Variants in TOX3 observed in about 807,000 individuals in gnomAD.
The protein encoded by TOX3 is CAG trinucleotide repeat-containing gene F9 protein.
Under a neutral mutation model 64.3 loss-of-function variants are expected in TOX3, and 22 were observed. The ratio of observed to expected loss-of-function variants is 0.34; its 90% confidence interval spans 0.24 to 0.49. TOX3 has a LOEUF of 0.49. TOX3 is among the 20% of genes least tolerant of loss of function. The pLI is 0.99. For synonymous variants in TOX3, 291 were observed against 273.6 expected (o/e 1.06, Z -0.63); for missense variants, 661 against 714.4 (o/e 0.93, Z 0.85).
chr16:52,526,407 A>G (rs1197748066), intron 1 of TOX3, among the ~76,000 whole-genome samples: 3 of 152,252 alleles, frequency 2.0e-5, no homozygotes, highest in African/African-American at 7.2e-5. Flanking sequence ...CCAACAAGCC[A>G]AATGAGTGTT....
intron 2 of TOX3, 103 bp downstream of exon 2, chr16:52,468,406 A>G (rs2287144): frequency 0.56 from 585,318 of 1,054,056 alleles, 165,291 homozygotes; most frequent in East Asian, 0.78. Flanking sequence ...CTTGTGCCAC[A>G]TAAGAGAGAG....
At chr16:52,543,369 T>C (rs1963114606) in intron 1 of TOX3, among the ~76,000 whole-genome samples, 2 of 152,220 alleles carry the variant, frequency 1.3e-5, no homozygotes, top group Admixed American at 1.3e-4. Context: ...GTCACATCAG[T>C]GCTCTAAAAA....
intron 1 of TOX3, among the ~76,000 whole-genome samples, chr16:52,534,578 A>G (rs773874414): frequency 2.6e-5 from 4 of 152,064 alleles, no homozygotes; most frequent in Admixed American, 1.3e-4. Flanking sequence ...TTGAGGCTGC[A>G]GTGGCTATGA....
At chr16:52,467,335 G>A (rs964146013) in intron 2 of TOX3, among the ~76,000 whole-genome samples, 6 of 152,174 alleles carry the variant, frequency 3.9e-5, no homozygotes, top group African/African-American at 1.2e-4. Flanking sequence ...AAACAACACA[G>A]CAGCCAGTGC....
intron 1 of TOX3, among the ~76,000 whole-genome samples, chr16:52,539,210 C>T (rs1963024599): frequency 6.6e-6 from 1 of 152,200 alleles, no homozygotes; most frequent in Non-Finnish European, 1.5e-5. Context: ...ATCATTCCCC[C>T]TTAATAACCA....
upstream of TOX3, among the ~76,000 whole-genome samples, chr16:52,547,167 T>G (rs1402799852): frequency 2.8e-5 from 3 of 106,304 alleles, no homozygotes; most frequent in African/African-American, 3.5e-5. Flanking sequence ...CCTCCCCTCC[T>G]TCTCCCCCTC....
chr16:52,504,982 G>A lies in TOX3; in HGVS notation c.88-36408C>T, dbSNP rs557966933. ...CCCAAGTAGCTGGGATTTCAGGCCC[G>A]CGCCACCACGCCCGGCTAATTTTTG... is the stretch of plus-strand genomic sequence containing the variant. On this transcript the variant is annotated intron_variant, in intron 1 of 6. Coordinates refer to ENST00000219746, the MANE Select transcript of TOX3 (RefSeq NM_001080430.4). Among the ~76,000 whole-genome samples, 7 of 152,158 alleles carry A rather than the reference G, an allele frequency of 4.6e-5. No homozygotes were observed. The East Asian group carries it at 9.7e-4, about 21-fold the overall frequency.
chr16:52,461,207 G>A (rs549568625), intron 3 of TOX3, among the ~76,000 whole-genome samples: 3 of 152,162 alleles, frequency 2.0e-5, no homozygotes, highest in African/African-American at 7.2e-5. Context: ...ACACTTAGAG[G>A]TAACAAATTT....
chr16:52,448,248 A>T (rs889040007), intron 4 of TOX3, among the ~76,000 whole-genome samples: 1 of 152,210 alleles, frequency 6.6e-6, no homozygotes, highest in Non-Finnish European at 1.5e-5. Context: ...CTCAGCTAAG[A>T]TTCAATGAAG....
At position 52,439,907 on chromosome 16, in the gene TOX3, G is replaced by A; in HGVS notation, c.1049C>T (p.Thr350Ile). Reference sequence around the variant, plus strand: ...GAGAAGGAGAGAGGATGTTAGATTGGTCGACGCCAGGGTCTGCTGAACAGA... The same window carrying A: ...GAGAAGGAGAGAGGATGTTAGATTGATCGACGCCAGGGTCTGCTGAACAGA... ...IRSVQQTLASTNLTSSLLLNT... is the reference protein window; with the variant it reads ...IRSVQQTLASINLTSSLLLNT... The change falls in exon 7 of 7, where the codon ACC becomes ATC. Residue 350 changes from threonine (T) to isoleucine (I), a missense_variant. Physicochemically the swap from Thr to Ile is moderately conservative, Grantham distance 89. Coordinates refer to ENST00000219746, the MANE Select transcript of TOX3 (RefSeq NM_001080430.4). 3 of 1,609,586 alleles carry A rather than the reference G, an allele frequency of 1.9e-6. No individual in the cohort carries two copies. The highest frequency in any genetic ancestry group is 2.5e-6 in the Non-Finnish European group (3 of 1,177,550).
chr16:52,538,036 G>T (rs1220465080), intron 1 of TOX3, among the ~76,000 whole-genome samples: 1 of 152,146 alleles, frequency 6.6e-6, no homozygotes, highest in African/African-American at 2.4e-5. Flanking sequence ...TTTGACTGAA[G>T]TCTTTTTCTC....
At chr16:52,485,318 T>A (rs1393432663) in intron 1 of TOX3, among the ~76,000 whole-genome samples, 2 of 148,028 alleles carry the variant, frequency 1.4e-5, no homozygotes, top group Admixed American at 6.7e-5. Context: ...AAGAATGAAA[T>A]CATGTTCTTT....
chr16:52,485,246 G>GTGTATATATATATATATATATATATATA (rs1555484130), intron 1 of TOX3, among the ~76,000 whole-genome samples: 2 of 127,890 alleles, frequency 1.6e-5, no homozygotes, highest in Admixed American at 7.6e-5. Context: ...ATGTGTGTGT[G>GTGTATATATATATATATATATATATATA]TATATATATA....
intron 1 of TOX3, among the ~76,000 whole-genome samples, chr16:52,529,170 G>A (rs1962791631): frequency 6.6e-6 from 1 of 152,218 alleles, no homozygotes. Flanking sequence ...TAAAGTCTCA[G>A]AGAGTATACT....
intron 2 of TOX3, among the ~76,000 whole-genome samples, chr16:52,466,361 C>T (rs1173522980): frequency 6.6e-6 from 1 of 152,128 alleles, no homozygotes; most frequent in Admixed American, 6.5e-5. Flanking sequence ...ATCTACAGGA[C>T]AATATCCATG....
chr16:52,439,006 T>C lies in TOX3; in HGVS notation c.*219A>G. 1.3e-6 allele frequency: 1 copy of C among 748,966 alleles called. No individual in the cohort carries two copies. Among genetic ancestry groups the C allele is most frequent in the Non-Finnish European group, 2.4e-6 (1 of 422,000 alleles). 46.4% of individuals were successfully genotyped at this position (748,966 alleles called of 1,614,324 possible). The stretch of plus-strand genomic sequence containing the variant: ...AAGGCATCACATAAAAGAGCACAGC[T>C]TTTCTTGTTTAAAAACAAAGTGATT... On this transcript the variant is annotated 3_prime_UTR_variant, in exon 7 of 7. Coordinates refer to ENST00000219746, the MANE Select transcript of TOX3 (RefSeq NM_001080430.4).
At chr16:52,480,943 T>C (rs1208207608) in intron 1 of TOX3, among the ~76,000 whole-genome samples, 2 of 150,366 alleles carry the variant, frequency 1.3e-5, no homozygotes, top group Non-Finnish European at 3.0e-5. Flanking sequence ...TTTTTTTTTA[T>C]TGTCATGACT....
At chr16:52,481,059 T>C (rs1961357393) in intron 1 of TOX3, among the ~76,000 whole-genome samples, 1 of 152,180 alleles carries the variant, frequency 6.6e-6, no homozygotes, top group African/African-American at 2.4e-5. Flanking sequence ...CAACAGAGAC[T>C]GAGAAACTCT....
intron 1 of TOX3, among the ~76,000 whole-genome samples, chr16:52,482,829 C>G (rs927502377): frequency 1.3e-5 from 2 of 152,078 alleles, no homozygotes; most frequent in African/African-American, 4.8e-5. Flanking sequence ...ATATATATGG[C>G]ACACAGGAAA....
Sources: allele counts gnomAD v4.1 joint callset (sites outside exome capture counted in the v4.1 genomes callset), GRCh38; gene constraint gnomAD v4.1.1; transcripts MANE v1.5; gene names NCBI Gene and HGNC (gene_info 2026-07-23, HGNC 2026-07-21).